ASCC3: variants seen among roughly 807,000 people sequenced by gnomAD.
ASCC3 encodes the protein ASC-1 complex subunit P200.
A neutral mutation model predicts 256.3 loss-of-function variants in ASCC3; 158 were observed. The ratio of observed to expected loss-of-function variants is 0.62; its 90% CI spans 0.54 to 0.70. The LOEUF is 0.70. Among genes scored for constraint, ASCC3 ranks in the 30% least tolerant of loss-of-function variants. ASCC3 has a pLI of 0.00. For missense variants in ASCC3, 2,259 were observed against 2,626.0 expected (o/e 0.86, Z 3.05); for synonymous variants, 948 against 883.4 (o/e 1.07, Z -1.30).
intron 8 of ASCC3, among the ~76,000 whole-genome samples, chr6:100,786,083 G>A (rs551196494): frequency 1.8e-4 from 28 of 152,178 alleles, no homozygotes; most frequent in Admixed American, 1.3e-3. Flanking sequence ...AAAACACAAA[G>A]TTCTCAATGG....
chr6:100,876,323 G>A (rs1225644429), intron 1 of ASCC3, among the ~76,000 whole-genome samples: 1 of 152,152 alleles, frequency 6.6e-6, no homozygotes, highest in African/African-American at 2.4e-5. Flanking sequence ...TTCTAACACA[G>A]AGGCAAAAGT....
chr6:100,761,704 A>G (rs958670852), intron 10 of ASCC3, among the ~76,000 whole-genome samples: 3 of 152,114 alleles, frequency 2.0e-5, no homozygotes, highest in Non-Finnish European at 4.4e-5. Context: ...AGGAGAGAAA[A>G]CTACAGCTTC....
At chr6:100,600,281 G>A (rs1165612435) in intron 34 of ASCC3, among the ~76,000 whole-genome samples, 1 of 151,538 alleles carries the variant, frequency 6.6e-6, no homozygotes, top group African/African-American at 2.4e-5. Flanking sequence ...CGTAAGATCT[G>A]GCTTTATCAA....
At chr6:100,677,525 T>C (rs1299931471) in intron 14 of ASCC3, among the ~76,000 whole-genome samples, 3 of 152,148 alleles carry the variant, frequency 2.0e-5, no homozygotes, top group Admixed American at 6.6e-5. Context: ...TCAGTTTTCG[T>C]TTCCTTATCT....
At chr6:100,576,010 CT>C (rs1303441082) in intron 36 of ASCC3, among the ~76,000 whole-genome samples, 1 of 151,946 alleles carries the variant, frequency 6.6e-6, no homozygotes, top group Non-Finnish European at 1.5e-5. Flanking sequence ...TCAAAATGTC[CT>C]TTTCCCTCAG....
chr6:100,709,575 T>C (rs941730012), intron 13 of ASCC3, among the ~76,000 whole-genome samples: 12 of 152,194 alleles, frequency 7.9e-5, no homozygotes, highest in African/African-American at 2.9e-4. Context: ...AAGAGACTTA[T>C]ATGGTATCTG....
At chr6:100,685,605 C>G (rs1777534131) in intron 13 of ASCC3, among the ~76,000 whole-genome samples, 1 of 152,156 alleles carries the variant, frequency 6.6e-6, no homozygotes, top group African/African-American at 2.4e-5. Flanking sequence ...AAATTATTAG[C>G]TTTTCCTCTG....
intron 4 of ASCC3, among the ~76,000 whole-genome samples, chr6:100,829,300 G>T (rs1771498024): frequency 6.6e-6 from 1 of 152,150 alleles, no homozygotes; most frequent in South Asian, 2.1e-4. Context: ...CATGGAGGAG[G>T]CTCCGGCCGC....
At chr6:100,558,679 T>C (rs1769759174) in intron 36 of ASCC3, among the ~76,000 whole-genome samples, 1 of 152,192 alleles carries the variant, frequency 6.6e-6, no homozygotes, top group Admixed American at 6.5e-5. Context: ...AAGAGATGGC[T>C]TATTTAGTAT....
chr6:100,799,649 A>G, intron 6 of ASCC3, 77 bp from the exon 7 acceptor site: 6 of 1,451,982 alleles, frequency 4.1e-6, no homozygotes, highest in Non-Finnish European at 5.7e-6. Context: ...AGGCAATTAT[A>G]AAAGATATTG....
At chr6:100,796,218 A>C (rs1186618230) in intron 8 of ASCC3, among the ~76,000 whole-genome samples, 1 of 152,200 alleles carries the variant, frequency 6.6e-6, no homozygotes, top group Non-Finnish European at 1.5e-5. Context: ...TATGTGGAGA[A>C]ACTAGACTAT....
At chr6:100,546,645 G>GT (rs1178145914) in intron 36 of ASCC3, among the ~76,000 whole-genome samples, 1 of 151,856 alleles carries the variant, frequency 6.6e-6, no homozygotes, top group Non-Finnish European at 1.5e-5. Flanking sequence ...AAATTTACTT[G>GT]TTTAAAAAAA....
chr6:100,800,338 T>C lies in ASCC3; in HGVS notation c.1089A>G (p.Gly363=), dbSNP rs779435444. 12 of 1,612,890 alleles carry C rather than the reference T, an allele frequency of 7.4e-6. No individual in the cohort carries two copies. Among genetic ancestry groups the C allele is most frequent in the Non-Finnish European group, 8.5e-7 (1 of 1,179,312 alleles). Residue 363 remains glycine (G), a synonymous_variant, in exon 6 of 42, where the codon GGA becomes GGG. Coordinates refer to ENST00000369162, the MANE Select transcript of ASCC3 (RefSeq NM_006828.4). ...ATTCCTTAGGATCAAAGCACATAAGTCCTTCTGAAACTTCTAAATCTTCTC... is the reference window on the plus strand; with the variant it reads ...ATTCCTTAGGATCAAAGCACATAAGCCCTTCTGAAACTTCTAAATCTTCTC... ...KAGEDLEVSE[G]LMCFDPKELR... is the part of the protein sequence containing the mutation.
In ASCC3 at chr6:100,608,751, A is replaced by T. The variant is rs1186203476; in HGVS notation, c.4786-1663T>A. Among the ~76,000 whole-genome samples, 2 of 45,190 alleles carry T rather than the reference A, an allele frequency of 4.4e-5. 1 individual carries two copies. The highest frequency in any genetic ancestry group is 9.0e-4 in the Admixed American group (2 of 2,220). 29.6% of individuals were successfully genotyped at this position (45,190 alleles called of 152,430 possible). ...ATACTTTATATATATATATATATATATATATATATATATATATACTTTTTC... is the reference window on the plus strand; with the variant it reads ...ATACTTTATATATATATATATATATTTATATATATATATATATACTTTTTC... On this transcript the variant is annotated intron_variant, in intron 30 of 41. Coordinates refer to ENST00000369162, the MANE Select transcript of ASCC3 (RefSeq NM_006828.4).
intron 36 of ASCC3, among the ~76,000 whole-genome samples, chr6:100,559,258 A>C (rs1769796222): frequency 6.6e-6 from 1 of 152,172 alleles, no homozygotes; most frequent in African/African-American, 2.4e-5. Flanking sequence ...GTAGTCAAAC[A>C]AGATTTTTTA....
At chr6:100,833,528 A>G (rs1353819287) in intron 4 of ASCC3, among the ~76,000 whole-genome samples, 1 of 152,226 alleles carries the variant, frequency 6.6e-6, no homozygotes, top group African/African-American at 2.4e-5. Context: ...ACCCTAATAC[A>G]AGATGTTAGG....
At chr6:100,816,604 T>C (rs115384476) in intron 4 of ASCC3, among the ~76,000 whole-genome samples, 2,235 of 152,246 alleles carry the variant, frequency 0.015, 45 homozygotes, top group African/African-American at 0.052. Flanking sequence ...CTATCTTCTT[T>C]GCAGGAACAT....
At chr6:100,518,877 A>G (rs1374583518) in intron 37 of ASCC3, among the ~76,000 whole-genome samples, 3 of 152,192 alleles carry the variant, frequency 2.0e-5, no homozygotes, top group South Asian at 4.1e-4. Context: ...ATAAGTTAAT[A>G]TCATGATCTT....
chr6:100,787,342 C>T, intron 8 of ASCC3, among the ~76,000 whole-genome samples: 1 of 148,246 alleles, frequency 6.7e-6, no homozygotes, highest in East Asian at 2.7e-4. Flanking sequence ...TTTAACACAA[C>T]AGTCGTAAAA....
Sources: gnomAD v4.1 joint callset for allele counts (sites outside exome capture counted in the v4.1 genomes callset) on GRCh38, gnomAD v4.1.1 for gene constraint, MANE v1.5 for transcripts, NCBI Gene and HGNC (gene_info 2026-07-23, HGNC 2026-07-21) for gene names.